Variants in DHX9 observed in about 807,000 individuals in gnomAD.
DHX9 encodes the protein ATP-dependent RNA helicase A.
DHX9 carries 27 observed loss-of-function variants against 148.7 expected under a neutral mutation model. The observed-to-expected ratio is 0.18, with a 90% CI of 0.13 to 0.25. DHX9 has a LOEUF of 0.25. DHX9 is among the 10% of genes least tolerant of loss of function. The pLI, the probability that DHX9 is intolerant of heterozygous loss-of-function variation, is 1.00. For missense variants in DHX9, 796 were observed against 1,559.6 expected (o/e 0.51, Z 8.25); for synonymous variants, 529 against 516.6 (o/e 1.02, Z -0.33).
intron 1 of DHX9, among the ~76,000 whole-genome samples, chr1:182,841,623 G>A (rs1571292386): frequency 6.6e-6 from 1 of 152,232 alleles, no homozygotes; most frequent in African/African-American, 2.4e-5. Context: ...TTAGACTTAG[G>A]TGCTAACAAA....
chr1:182,856,463 C>CT (rs1400266161), intron 6 of DHX9, 69 bp from the exon 7 acceptor site: 2 of 1,409,890 alleles, frequency 1.4e-6, no homozygotes, highest in South Asian at 2.4e-5. Context: ...GCCTGCCTGA[C>CT]TTGGGAGACC....
intron 3 of DHX9, among the ~76,000 whole-genome samples, chr1:182,843,993 C>T (rs1667979007): frequency 2.0e-5 from 3 of 152,326 alleles, no homozygotes; most frequent in African/African-American, 7.2e-5. Flanking sequence ...GAGTCTTGCA[C>T]TGTCGCCCAG....
At position 182,876,175 on chromosome 1, in the gene DHX9, T is replaced by TG. The variant is rs752702448; in HGVS notation, c.1941_1942insG (p.Asn648GlufsTer53). 6.2e-7 allele frequency: 1 copy of TG among 1,614,026 alleles called. No individual in the cohort carries two copies. Among genetic ancestry groups the TG allele is most frequent in the South Asian group, 1.1e-5 (1 of 91,086 alleles). The stretch of plus-strand genomic sequence containing the variant: ...CTCTACTTAAGTACATTGAAACCCT[T>TG]AATGTTCCTGGAGCTGTGTTGGTTT... On this transcript the variant is annotated frameshift_variant, in exon 17 of 28. Transcript: ENST00000367549. LOFTEE classifies it high-confidence loss of function.
chr1:182,851,397 CAG>C (rs1221223348), intron 3 of DHX9, among the ~76,000 whole-genome samples: 2 of 152,090 alleles, frequency 1.3e-5, no homozygotes, highest in African/African-American at 4.8e-5. Context: ...CTGGAGTGGT[CAG>C]AGGAACAATC....
At chr1:182,849,119 C>T (rs1668084986) in intron 3 of DHX9, among the ~76,000 whole-genome samples, 1 of 152,210 alleles carries the variant, frequency 6.6e-6, no homozygotes, top group Non-Finnish European at 1.5e-5. Flanking sequence ...CTAGGGAAAT[C>T]CTTTTTCATA....
intron 2 of DHX9, 78 bp from the exon 3 acceptor site, chr1:182,843,216 T>C: frequency 8.6e-7 from 1 of 1,156,744 alleles, no homozygotes; most frequent in Admixed American, 3.4e-5. Context: ...TGTCTCTTAA[T>C]GGACTACTGA....
At chr1:182,852,531 G>A (rs1668173627) in intron 4 of DHX9, among the ~76,000 whole-genome samples, 187 bp downstream of exon 4, 1 of 152,166 alleles carries the variant, frequency 6.6e-6, no homozygotes, top group South Asian at 2.1e-4. Context: ...ATGTGGTACA[G>A]CATAGTTCTT....
At position 182,876,499 on chromosome 1, in the gene DHX9, A is replaced by G. The variant is rs760212042; in HGVS notation, c.2082A>G (p.Glu694=). The G allele has an allele frequency of 1.9e-6, 3 of 1,613,004 alleles. No homozygotes were observed. Among genetic ancestry groups the G allele is most frequent in the Admixed American group, 1.7e-5 (1 of 60,022 alleles). Residue 694 remains glutamate, a synonymous_variant, in exon 18 of 28, where the codon GAA becomes GAG. Transcript: ENST00000367549. ...LPLHSQIPRE[E]QRKVFDPVPV... ...TGCATTCTCAGATTCCTCGAGAGGA[A>G]CAGCGCAAAGTGTTTGATCCAGTAC...
intron 19 of DHX9, 46 bp from the exon 20 acceptor site, chr1:182,877,975 T>G (rs1225373391): frequency 6.2e-7 from 1 of 1,606,560 alleles, no homozygotes; most frequent in South Asian, 1.1e-5. Context: ...TAATAGTTAT[T>G]GATAATACAC....
Position 182,872,500 on chromosome 1 carries a change from T to TA in DHX9, c.1714+7_1714+8insA. 1 of 1,612,124 alleles carries TA rather than the reference T, an allele frequency of 6.2e-7. No homozygotes were observed. On this transcript the variant is annotated splice_region_variant and intron_variant, in intron 15 of 27. Coordinates refer to ENST00000367549, the MANE Select transcript of DHX9 (RefSeq NM_001357.5). ...AGGACTTACCCAGTTCAAGGTAATA[T>TA]TGTGGGGGTGGTATAGGAACATCTT...
intron 24 of DHX9, among the ~76,000 whole-genome samples, chr1:182,882,861 CT>C (rs1486092680): frequency 7.5e-6 from 1 of 133,762 alleles, no homozygotes; most frequent in Non-Finnish European, 1.6e-5. Flanking sequence ...CGAGACTCGT[CT>C]CAAAAAAAAA....
intron 21 of DHX9, 81 bp from the exon 22 acceptor site, chr1:182,880,416 A>T: frequency 2.2e-6 from 2 of 917,944 alleles, no homozygotes; most frequent in Non-Finnish European, 3.5e-6. Flanking sequence ...AAACTGTCTT[A>T]ACCTTAATTT....
intron 3 of DHX9, among the ~76,000 whole-genome samples, chr1:182,844,567 A>G (rs1667992772): frequency 6.6e-6 from 1 of 152,092 alleles, no homozygotes; most frequent in Admixed American, 6.5e-5. Flanking sequence ...GTTTTTTAAG[A>G]CGGAGTCTTG....
intron 3 of DHX9, among the ~76,000 whole-genome samples, chr1:182,848,133 T>C (rs1668065667): frequency 6.6e-6 from 1 of 151,774 alleles, no homozygotes; most frequent in Admixed American, 6.6e-5. Flanking sequence ...TGAAGGACTC[T>C]TCCCCAGCTG....
In DHX9 at chr1:182,843,216, T is replaced by A. The variant is rs189422709; in HGVS notation, c.112-78T>A. On this transcript the variant is annotated intron_variant, in intron 2 of 27. Coordinates refer to ENST00000367549, the MANE Select transcript of DHX9 (RefSeq NM_001357.5). ...AAGTTAGCTGTTTGTTGTCTCTTAATGGACTACTGAATTACGACTTTTTAA... is the reference window on the plus strand; with the variant it reads ...AAGTTAGCTGTTTGTTGTCTCTTAAAGGACTACTGAATTACGACTTTTTAA... 5.2e-4 allele frequency: 602 copies of A among 1,156,740 alleles called. 8 individuals carry two copies. The East Asian group carries it at 0.015, about 29-fold the overall frequency. The allele number at this position is 1,156,740 out of a possible 1,614,324, so 71.7% of individuals were successfully genotyped here.
chr1:182,846,715 ATG>A (rs1246338716), intron 3 of DHX9, among the ~76,000 whole-genome samples: 1 of 151,988 alleles, frequency 6.6e-6, no homozygotes, highest in Non-Finnish European at 1.5e-5. Context: ...GTTTTTTTGT[ATG>A]TGTGTGTTCT....
At chr1:182,877,936 T>C in intron 19 of DHX9, 85 bp from the exon 20 acceptor site, 4 of 1,456,814 alleles carry the variant, frequency 2.7e-6, no homozygotes, top group Middle Eastern at 2.1e-4. Flanking sequence ...AACTACATAG[T>C]GGAAAGCATT....
At chr1:182,877,558 CTG>C (rs1648868231) in intron 19 of DHX9, 1 of 155,612 alleles carries the variant, frequency 6.4e-6, no homozygotes, top group African/African-American at 2.4e-5. Flanking sequence ...GCAGCTGTCT[CTG>C]TATGTAACAT....
chr1:182,852,436 G>T (rs763952733), intron 4 of DHX9, 92 bp downstream of exon 4: 5 of 818,440 alleles, frequency 6.1e-6, no homozygotes, highest in Non-Finnish European at 9.4e-6. Flanking sequence ...AGAAAGAACT[G>T]CAGTAAACTC....
Sources: gnomAD v4.1 joint callset for allele counts (sites outside exome capture counted in the v4.1 genomes callset) on GRCh38, gnomAD v4.1.1 for gene constraint, MANE v1.5 for transcripts, NCBI Gene and HGNC (gene_info 2026-07-23, HGNC 2026-07-21) for gene names.